The following VEGFC variants were observed in gnomAD, a reference collection of about 807,000 sequenced individuals.
VEGFC encodes FLT4 ligand DHM.
In VEGFC, 12 loss-of-function variants were observed where a neutral mutation model predicts 46.1. The observed-to-expected ratio is 0.26, with a 90% CI of 0.17 to 0.42. The LOEUF is 0.42. Among genes scored for constraint, VEGFC ranks in the 10% least tolerant of loss-of-function variants. VEGFC has a pLI of 1.00. For missense variants in VEGFC, 488 were observed against 529.4 expected, an observed-to-expected ratio of 0.92 and a Z score of 0.77; for synonymous variants, 232 against 195.5, an observed-to-expected ratio of 1.19 and a Z score of -1.56.
intron 4 of VEGFC, among the ~76,000 whole-genome samples, chr4:176,688,839 C>T (rs1234981451): frequency 2.6e-5 from 4 of 152,174 alleles, no homozygotes; most frequent in Admixed American, 2.6e-4. Context: ...CCACACCTGG[C>T]ATCAGCCATT....
chr4:176,749,114 G>A (rs375131812), intron 1 of VEGFC, among the ~76,000 whole-genome samples: 21 of 151,994 alleles, frequency 1.4e-4, no homozygotes, highest in African/African-American at 5.1e-4. Flanking sequence ...GCTGAAATTA[G>A]AAGCTGAGTA....
intron 4 of VEGFC, among the ~76,000 whole-genome samples, chr4:176,690,683 C>T (rs945986969): frequency 6.6e-6 from 1 of 152,176 alleles, no homozygotes; most frequent in Non-Finnish European, 1.5e-5. Context: ...AAATATGATA[C>T]AACTTATATT....
rs554938174 is a variant in VEGFC at position 176,714,176 on chromosome 4, G to A, written c.553-2526C>T. Among the ~76,000 whole-genome samples, 29 of 152,304 alleles carry A rather than the reference G, an allele frequency of 1.9e-4. No individual in the cohort carries two copies. In the East Asian group the frequency reaches 2.5e-3, roughly 13 times the overall value. ...CCCAATGTTAGAGGTGGGAGCTGGC[G>A]GGAGATGAATGGGTCATGGGACCAG... On this transcript the variant is annotated intron_variant, in intron 3 of 6. Transcript: ENST00000618562.
intron 4 of VEGFC, among the ~76,000 whole-genome samples, chr4:176,691,976 G>A (rs2110971138): frequency 6.6e-6 from 1 of 152,288 alleles, no homozygotes; most frequent in South Asian, 2.1e-4. Flanking sequence ...GCGAGGCATT[G>A]CCTCACTTGG....
chr4:176,689,982 C>A (rs1295480732), intron 4 of VEGFC, among the ~76,000 whole-genome samples: 2 of 152,094 alleles, frequency 1.3e-5, no homozygotes, highest in African/African-American at 2.4e-5. Flanking sequence ...TAATTGTTCC[C>A]ATTTAGAACA....
At chr4:176,705,495 G>A (rs987315291) in intron 4 of VEGFC, among the ~76,000 whole-genome samples, 15 of 152,150 alleles carry the variant, frequency 9.9e-5, no homozygotes, top group African/African-American at 2.7e-4. Context: ...AATGTTAGAA[G>A]ATATTGGGGG....
At chr4:176,698,613 G>C (rs1734368132) in intron 4 of VEGFC, among the ~76,000 whole-genome samples, 1 of 152,070 alleles carries the variant, frequency 6.6e-6, no homozygotes, top group Non-Finnish European at 1.5e-5. Flanking sequence ...GGGGTGCAGT[G>C]AGAATACTAT....
intron 4 of VEGFC, among the ~76,000 whole-genome samples, chr4:176,692,362 C>T (rs539805168): frequency 4.5e-5 from 6 of 134,530 alleles, no homozygotes; most frequent in Admixed American, 3.6e-4. Context: ...CCACTGCACT[C>T]CAGCCTGGGC....
intron 1 of VEGFC, among the ~76,000 whole-genome samples, chr4:176,782,435 G>T (rs1735932727): frequency 6.6e-6 from 1 of 150,868 alleles, no homozygotes; most frequent in South Asian, 2.1e-4. Context: ...CTGCACTGCA[G>T]CCTGGGAAAT....
chr4:176,713,398 C>G (rs1734649295), intron 3 of VEGFC, among the ~76,000 whole-genome samples: 1 of 152,096 alleles, frequency 6.6e-6, no homozygotes, highest in Non-Finnish European at 1.5e-5. Flanking sequence ...TTTAAGACAT[C>G]TATGGAATCT....
Position 176,765,711 on chromosome 4 carries a change from C to T in VEGFC, c.147+26454G>A, listed in dbSNP as rs558573047. Among the ~76,000 whole-genome samples the T allele has an allele frequency of 2.0e-3, 298 of 151,970 alleles. 1 individual carries two copies. The highest frequency in any genetic ancestry group is 3.4e-3 in the Non-Finnish European group (234 of 67,946). ...GCTGGACTACAGGTGCCCGCCACCA[C>T]ACCCGGCTAATTTTTGTATTTTTAG... On this transcript the variant is annotated intron_variant, in intron 1 of 6. Transcript: ENST00000618562.
At chr4:176,704,433 G>A (rs1475326131) in intron 4 of VEGFC, among the ~76,000 whole-genome samples, 2 of 152,096 alleles carry the variant, frequency 1.3e-5, no homozygotes, top group African/African-American at 4.8e-5. Flanking sequence ...ACTATGAACA[G>A]GTGCTCCTTG....
intron 1 of VEGFC, among the ~76,000 whole-genome samples, chr4:176,755,195 A>G (rs1735412778): frequency 6.6e-6 from 1 of 151,746 alleles, no homozygotes; most frequent in Admixed American, 6.6e-5. Context: ...CGAGCTGTCC[A>G]TGGTCTCAGT....
At position 176,758,180 on chromosome 4, in the gene VEGFC, C is replaced by A. The variant is rs73009530; in HGVS notation, c.148-28434G>T. ...GTGAGAAATAAGACATATTGACAAA[C>A]AAGTTGTTAGTAGAAGAAAGCAAAG... On this transcript the variant is annotated intron_variant, in intron 1 of 6. Transcript: ENST00000618562. Among the ~76,000 whole-genome samples the A allele has an allele frequency of 3.1e-3, 467 of 152,014 alleles. 7 individuals carry two copies. Among genetic ancestry groups the A allele is most frequent in the East Asian group, 8.5e-3 (44 of 5,170 alleles).
Position 176,792,248 on chromosome 4 carries a change from G to A in VEGFC, c.64C>T (p.Pro22Ser). 1.3e-6 allele frequency: 2 copies of A among 1,557,630 alleles called. No individual in the cohort carries two copies. The highest frequency in any genetic ancestry group is 8.7e-7 in the Non-Finnish European group (1 of 1,154,824). The change falls in exon 1 of 7, where the codon CCT becomes TCT. Residue 22 changes from proline (P) to serine (S), a missense_variant. By Grantham distance (74) the Pro-to-Ser change is moderately conservative. Coordinates refer to ENST00000618562, the MANE Select transcript of VEGFC (RefSeq NM_005429.5). The surrounding 1 kb of genome is among the most constrained non-coding windows in gnomAD (Gnocchi z 6.3). ...SLLAAALLPG[P>S]REAPAAAAAF... ...GCGGCGGCGGCGGGCGCCTCGCGAG[G>A]ACCCGGGAGCAGCGCAGCGGCGAGC...
At chr4:176,728,833 T>C (rs1476287118) in intron 2 of VEGFC, among the ~76,000 whole-genome samples, 1 of 152,196 alleles carries the variant, frequency 6.6e-6, no homozygotes. Context: ...AGCTACCAAC[T>C]GAAGGCAAAT....
intron 1 of VEGFC, among the ~76,000 whole-genome samples, chr4:176,743,719 T>C (rs1385737): frequency 0.71 from 106,931 of 151,532 alleles, 43,619 homozygotes; most frequent in East Asian, 0.93. Flanking sequence ...CAGCTTCTAC[T>C]GTTTTATTCA....
chr4:176,760,864 T>C (rs1323512194), intron 1 of VEGFC, among the ~76,000 whole-genome samples: 3 of 152,204 alleles, frequency 2.0e-5, no homozygotes, highest in African/African-American at 7.2e-5. Flanking sequence ...GCACTGATCT[T>C]AGCTGGATGT....
chr4:176,725,838 A>G (rs1364005064), intron 3 of VEGFC, among the ~76,000 whole-genome samples: 1 of 152,126 alleles, frequency 6.6e-6, no homozygotes, highest in Non-Finnish European at 1.5e-5. Context: ...GAAGATAAAA[A>G]CAACATTTTA....
Sources: allele counts gnomAD v4.1 joint callset (sites outside exome capture counted in the v4.1 genomes callset), GRCh38; gene constraint gnomAD v4.1.1; non-coding constraint Gnocchi (gnomAD v3.1); transcripts MANE v1.5; gene names NCBI Gene and HGNC (gene_info 2026-07-23, HGNC 2026-07-21).